The following METTL15 variants were observed in gnomAD, a reference collection of about 807,000 sequenced individuals.
The protein encoded by METTL15 is methyltransferase 15, mitochondrial 12S rRNA N4-cytidine.
In METTL15, 34 loss-of-function variants were observed where a neutral mutation model predicts 38.3. That is an observed-to-expected ratio of 0.89 (90% CI 0.68 to 1.18). The LOEUF is 1.18. METTL15 is among the 50% of genes most tolerant of loss of function. METTL15 has a pLI of 0.00. For missense variants in METTL15, 438 were observed against 498.4 expected (o/e 0.88, Z 1.15); for synonymous variants, 162 against 170.9 (o/e 0.95, Z 0.41).
intron 6 of METTL15, among the ~76,000 whole-genome samples, chr11:28,513,084 T>TAGAC (rs1227644331): frequency 2.6e-5 from 1 of 37,902 alleles, no homozygotes; most frequent in Non-Finnish European, 4.9e-5. Flanking sequence ...CAACTGTACT[T>TAGAC]AGACACTGAA....
At chr11:28,175,529 T>A (rs1051670734) in intron 3 of METTL15, among the ~76,000 whole-genome samples, 7 of 152,208 alleles carry the variant, frequency 4.6e-5, no homozygotes, top group Non-Finnish European at 1.0e-4. Context: ...CCACACTGAC[T>A]TCCACAATGG....
intron 6 of METTL15, among the ~76,000 whole-genome samples, chr11:28,525,163 T>A (rs1851798909): frequency 6.6e-6 from 1 of 152,176 alleles, no homozygotes; most frequent in African/African-American, 2.4e-5. Flanking sequence ...GCAAGATTTA[T>A]TGCAAAGAGC....
chr11:28,520,952 T>C (rs1360758089), intron 6 of METTL15, among the ~76,000 whole-genome samples: 1 of 152,238 alleles, frequency 6.6e-6, no homozygotes, highest in Admixed American at 6.5e-5. Flanking sequence ...TCTTTCCATT[T>C]TGGGCCTTGG....
chr11:28,458,795 C>T (rs931197004), intron 6 of METTL15, among the ~76,000 whole-genome samples: 1 of 152,190 alleles, frequency 6.6e-6, no homozygotes, highest in Non-Finnish European at 1.5e-5. Context: ...AAATATATTT[C>T]TCTTTTTCTT....
chr11:28,296,774 T>C lies in METTL15; in HGVS notation c.621T>C (p.Ala207=), dbSNP rs752183726. 7 of 1,613,372 alleles carry C rather than the reference T, an allele frequency of 4.3e-6. No homozygotes were observed. The highest frequency in any genetic ancestry group is 5.1e-6 in the Non-Finnish European group (6 of 1,179,608). The stretch of plus-strand genomic sequence containing the variant: ...GTAGGTACCCTGACATGCCCACTGC[T>C]GCTGATGTTGTGAATGCTTTAGATC... ...DGGRYPDMPT[A]ADVVNALDQQ... The change falls in exon 6 of 7, where the codon GCT becomes GCC. Residue 207 remains alanine, a synonymous_variant. Coordinates refer to ENST00000407364, the MANE Select transcript of METTL15 (RefSeq NM_001113528.2).
At chr11:28,449,709 T>C (rs1047007786) in intron 6 of METTL15, among the ~76,000 whole-genome samples, 4 of 152,176 alleles carry the variant, frequency 2.6e-5, no homozygotes, top group Non-Finnish European at 5.9e-5. Context: ...GACATAGCTC[T>C]TAAGTGACCT....
chr11:28,407,747 T>C (rs1257100424), intron 5 of METTL15, among the ~76,000 whole-genome samples: 1 of 152,178 alleles, frequency 6.6e-6, no homozygotes, highest in South Asian at 2.1e-4. Flanking sequence ...ACACAGTGTG[T>C]TGATTCCTGA....
intron 4 of METTL15, among the ~76,000 whole-genome samples, chr11:28,241,783 G>C (rs1421880190): frequency 6.6e-6 from 1 of 152,124 alleles, no homozygotes; most frequent in African/African-American, 2.4e-5. Flanking sequence ...TGGTTTCAAG[G>C]AAAAGCAAAG....
intron 6 of METTL15, among the ~76,000 whole-genome samples, chr11:28,526,303 G>A (rs1851811614): frequency 6.6e-6 from 1 of 152,260 alleles, no homozygotes; most frequent in Admixed American, 6.5e-5. Flanking sequence ...GAGGTGCCAA[G>A]AGTGAGCGAG....
intron 4 of METTL15, among the ~76,000 whole-genome samples, chr11:28,234,269 G>C (rs1853832008): frequency 1.3e-5 from 2 of 151,942 alleles, no homozygotes; most frequent in Non-Finnish European, 2.9e-5. Flanking sequence ...AAACATACAT[G>C]TGCATGTGTC....
chr11:28,158,429 G>A lies in METTL15; in HGVS notation c.270+44825G>A, dbSNP rs755611331. On this transcript the variant is annotated intron_variant, in intron 3 of 6. Transcript: ENST00000407364. ...CACTCACCAAGGCTGACCTGGCTAC[G>A]GCCACTGCTGAGTGCCCAGTTTGTC... 3.2e-4 allele frequency among the ~76,000 whole-genome samples: 48 copies of A among 152,112 alleles called. 1 individual carries two copies. Among genetic ancestry groups the A allele is most frequent in the Non-Finnish European group, 7.4e-5 (5 of 68,010 alleles).
chr11:28,328,219 G>T, intron 6 of METTL15: 2 of 1,538,564 alleles, frequency 1.3e-6, no homozygotes, highest in Non-Finnish European at 1.8e-6. Flanking sequence ...GTTCCTGAGA[G>T]ACCTGGTTGT....
intron 4 of METTL15, among the ~76,000 whole-genome samples, chr11:28,240,670 T>C (rs2133903866): frequency 6.6e-6 from 1 of 152,332 alleles, no homozygotes; most frequent in East Asian, 1.9e-4. Flanking sequence ...TTTAAATGAT[T>C]GATCTGCATT....
chr11:28,135,995 C>G (rs1849501843), intron 3 of METTL15, among the ~76,000 whole-genome samples: 1 of 152,110 alleles, frequency 6.6e-6, no homozygotes, highest in African/African-American at 2.4e-5. Flanking sequence ...CTCTCTATTC[C>G]AGTGTCCCAA....
intron 3 of METTL15, among the ~76,000 whole-genome samples, chr11:28,342,463 A>G (rs1306185377): frequency 1.3e-4 from 20 of 149,642 alleles, no homozygotes; most frequent in South Asian, 2.1e-4. Flanking sequence ...GGGTTTCTCT[A>G]TGTTGCCCAG....
intron 4 of METTL15, 82 bp downstream of exon 4, chr11:28,211,280 C>T: frequency 7.7e-7 from 1 of 1,301,710 alleles, no homozygotes; most frequent in Non-Finnish European, 1.0e-6. Context: ...ATTTGTTCTG[C>T]TTTGCATGGG....
chr11:28,248,387 C>A (rs1232765168), intron 4 of METTL15, among the ~76,000 whole-genome samples: 1 of 152,058 alleles, frequency 6.6e-6, no homozygotes, highest in African/African-American at 2.4e-5. Flanking sequence ...CATCTGTCTA[C>A]GATCACCATT....
At chr11:28,152,605 C>G (rs1015985952) in intron 3 of METTL15, among the ~76,000 whole-genome samples, 3 of 151,688 alleles carry the variant, frequency 2.0e-5, no homozygotes, top group Non-Finnish European at 4.4e-5. Context: ...ACAGCCATCT[C>G]TTAGTGTCCA....
intron 6 of METTL15, among the ~76,000 whole-genome samples, chr11:28,318,419 G>A (rs1849346011): frequency 6.6e-6 from 1 of 152,022 alleles, no homozygotes; most frequent in Non-Finnish European, 1.5e-5. Context: ...GCACATTAGT[G>A]AGTATTAATT....
Sources: allele counts gnomAD v4.1 joint callset (sites outside exome capture counted in the v4.1 genomes callset), GRCh38; gene constraint gnomAD v4.1.1; transcripts MANE v1.5; gene names NCBI Gene and HGNC (gene_info 2026-07-23, HGNC 2026-07-21).